The following TNS3 variants were observed in gnomAD, a reference collection of about 807,000 sequenced individuals.
The protein encoded by TNS3 is tensin 3.
A neutral mutation model predicts 140.9 loss-of-function variants in TNS3; 45 were observed. The ratio of observed to expected loss-of-function variants is 0.32; its 90% CI spans 0.25 to 0.41. The LOEUF (loss-of-function observed/expected upper bound fraction) is 0.41, where lower values mean the gene tolerates loss of function less well. TNS3 is among the 10% of genes least tolerant of loss of function. The probability of loss-of-function intolerance (pLI) is 1.00; values close to 1 mark genes in which losing one functional copy is unlikely to be tolerated. For synonymous variants in TNS3, 815 were observed against 788.4 expected, an observed-to-expected ratio of 1.03 and a Z score of -0.56; for missense variants, 1,716 against 1,906.7, an observed-to-expected ratio of 0.90 and a Z score of 1.86.
At chr7:47,425,242 G>T (rs917946808) in intron 9 of TNS3, among the ~76,000 whole-genome samples, 1 of 152,068 alleles carries the variant, frequency 6.6e-6, no homozygotes, top group Non-Finnish European at 1.5e-5. Context: ...ACTTGAACCC[G>T]GGAGGCAGAG....
chr7:47,500,242 G>A (rs1798161565), intron 3 of TNS3, among the ~76,000 whole-genome samples: 1 of 152,182 alleles, frequency 6.6e-6, no homozygotes, highest in Admixed American at 6.5e-5. Flanking sequence ...GCACGGCCGA[G>A]AGCTACCCTC....
At chr7:47,346,517 G>GAA (rs1194009340) in intron 17 of TNS3, among the ~76,000 whole-genome samples, 161 bp from the exon 18 acceptor site, 1 of 152,190 alleles carries the variant, frequency 6.6e-6, no homozygotes, top group East Asian at 1.9e-4. Context: ...CAGCTGATGG[G>GAA]AAACCCAGGG....
chr7:47,521,194 C>T (rs1406787330), intron 2 of TNS3, among the ~76,000 whole-genome samples: 1 of 152,154 alleles, frequency 6.6e-6, no homozygotes, highest in Non-Finnish European at 1.5e-5. Flanking sequence ...ACACTCCCTG[C>T]CCCACCCACC....
At chr7:47,530,527 C>T (rs554566079) in intron 1 of TNS3, among the ~76,000 whole-genome samples, 1 of 151,870 alleles carries the variant, frequency 6.6e-6, no homozygotes, top group South Asian at 2.1e-4. Context: ...ATCCAAGAAA[C>T]TCAAGAAATT....
intron 18 of TNS3, 125 bp downstream of exon 18, chr7:47,346,062 G>A (rs746369943): frequency 4.2e-5 from 52 of 1,246,354 alleles, no homozygotes; most frequent in Non-Finnish European, 5.2e-5. Context: ...ACGGAAGGTG[G>A]GTGCGGAGGA....
At chr7:47,444,429 ACT>A (rs1309784025) in intron 4 of TNS3, among the ~76,000 whole-genome samples, 10 of 152,212 alleles carry the variant, frequency 6.6e-5, no homozygotes. Context: ...GCATTATATA[ACT>A]CATGGGGCAA....
chr7:47,305,024 G>A lies in TNS3; in HGVS notation c.2651-21C>T, dbSNP rs1441028444. 4 of 1,329,804 alleles carry A rather than the reference G, an allele frequency of 3.0e-6. 1 individual carries two copies. The highest frequency in any genetic ancestry group is 2.8e-5 in the East Asian group (1 of 35,860). The allele number at this position is 1,329,804 out of a possible 1,614,324, so 82.4% of individuals were successfully genotyped here. On this transcript the variant is annotated intron_variant, in intron 20 of 30. Transcript: ENST00000311160. ...TGGTTCTGTAGCGGGAACACAGGAA[G>A]CAGAGAGACCTCGGTTGTAGGACTG... is the stretch of plus-strand genomic sequence containing the variant.
intron 20 of TNS3, among the ~76,000 whole-genome samples, chr7:47,311,378 C>T (rs540512683): frequency 6.6e-6 from 1 of 150,464 alleles, no homozygotes; most frequent in East Asian, 2.0e-4. Context: ...ACATTGTGCA[C>T]ATGTACCCTA....
intron 1 of TNS3, among the ~76,000 whole-genome samples, 176 bp downstream of exon 1, chr7:47,581,875 C>T (rs116424398): frequency 0.024 from 3,562 of 150,976 alleles, 140 homozygotes; most frequent in African/African-American, 0.082. Flanking sequence ...TCCCGTACCC[C>T]GCGCTCCCCG....
At chr7:47,432,792 A>G (rs564069285) in intron 8 of TNS3, among the ~76,000 whole-genome samples, 2 of 152,324 alleles carry the variant, frequency 1.3e-5, no homozygotes, top group Non-Finnish European at 2.9e-5. Context: ...TCTTCATATA[A>G]TGTTCATGTA....
intron 17 of TNS3, 30 bp from the exon 18 acceptor site, chr7:47,346,386 G>A (rs1789345070): frequency 6.2e-7 from 1 of 1,611,782 alleles, no homozygotes; most frequent in Non-Finnish European, 8.5e-7. Context: ...CAGGCTGCAG[G>A]GCGCTTCCTC....
chr7:47,409,612 C>G (rs115147417), intron 13 of TNS3, among the ~76,000 whole-genome samples: 2,144 of 152,094 alleles, frequency 0.014, 50 homozygotes, highest in African/African-American at 0.049. Flanking sequence ...AAGATGAGGG[C>G]GGGTGCAAAT....
At chr7:47,446,727 G>A (rs534915798) in intron 4 of TNS3, among the ~76,000 whole-genome samples, 13 of 113,538 alleles carry the variant, frequency 1.1e-4, no homozygotes, top group African/African-American at 4.6e-4. Flanking sequence ...TCTCACTGTC[G>A]CCCAGGCTGG....
At chr7:47,399,640 A>G (rs552953525) in intron 15 of TNS3, among the ~76,000 whole-genome samples, 1 of 152,356 alleles carries the variant, frequency 6.6e-6, no homozygotes, top group Admixed American at 6.5e-5. Flanking sequence ...ATAAGACTGG[A>G]TCCCCATTTC....
chr7:47,328,004 T>A (rs929452750), intron 20 of TNS3, among the ~76,000 whole-genome samples: 3 of 152,124 alleles, frequency 2.0e-5, no homozygotes, highest in Non-Finnish European at 4.4e-5. Flanking sequence ...CCCTGGTCAG[T>A]CCATGGAAGG....
At position 47,542,051 on chromosome 7, in the gene TNS3, G is replaced by C. The variant is rs139172187; in HGVS notation, c.-264-12904C>G. Among the ~76,000 whole-genome samples, 94 of 152,166 alleles carry C rather than the reference G, an allele frequency of 6.2e-4. 1 individual carries two copies. The highest frequency in any genetic ancestry group is 1.3e-4 in the Non-Finnish European group (9 of 68,018). ...GTAAAGGTCTCAGCTTCCATGCGTC[G>C]TGGGATGGGAGACTCGGGAGTTATG... On this transcript the variant is annotated intron_variant, in intron 1 of 30. Transcript: ENST00000311160.
intron 1 of TNS3, chr7:47,581,480 T>G (rs956044072): frequency 6.6e-6 from 1 of 152,202 alleles, no homozygotes; most frequent in Admixed American, 6.5e-5. Flanking sequence ...AGCCTGCCCA[T>G]TGAAGCCCCT....
intron 28 of TNS3, among the ~76,000 whole-genome samples, chr7:47,280,742 G>A (rs1284182079): frequency 3.9e-5 from 6 of 152,086 alleles, no homozygotes; most frequent in African/African-American, 9.7e-5. Flanking sequence ...GTGAAACCCC[G>A]TCTCTACTAA....
At chr7:47,413,854 C>G in intron 12 of TNS3, 83 bp downstream of exon 12, 1 of 1,529,372 alleles carries the variant, frequency 6.5e-7, no homozygotes. Context: ...ACTCTTCCTG[C>G]GGGACAGGCA....
Sources: allele counts gnomAD v4.1 joint callset (sites outside exome capture counted in the v4.1 genomes callset), GRCh38; gene constraint gnomAD v4.1.1; transcripts MANE v1.5; gene names NCBI Gene and HGNC (gene_info 2026-07-23, HGNC 2026-07-21).